TMEM132B: variants seen among roughly 807,000 people sequenced by gnomAD.
TMEM132B encodes the protein transmembrane protein 132B.
TMEM132B carries 18 observed loss-of-function variants against 90.8 expected under a neutral mutation model. That is an observed-to-expected ratio of 0.20 (90% CI 0.14 to 0.29). TMEM132B has a LOEUF of 0.29. Among genes scored for constraint, TMEM132B ranks in the 10% least tolerant of loss-of-function variants. The probability of loss-of-function intolerance (pLI) is 1.00; values close to 1 mark genes in which losing one functional copy is unlikely to be tolerated. For synonymous variants in TMEM132B, 504 were observed against 523.3 expected (o/e 0.96, Z 0.50); for missense variants, 1,096 against 1,326.8 (o/e 0.83, Z 2.70).
At chr12:125,583,461 C>T (rs561038554) in intron 4 of TMEM132B, among the ~76,000 whole-genome samples, 13 of 152,152 alleles carry the variant, frequency 8.5e-5, no homozygotes, top group African/African-American at 3.1e-4. Context: ...TGTTAATAAG[C>T]CCAGAATATA....
intron 4 of TMEM132B, among the ~76,000 whole-genome samples, chr12:125,563,626 G>A (rs1160185878): frequency 6.6e-6 from 1 of 151,318 alleles, no homozygotes; most frequent in Admixed American, 6.6e-5. Flanking sequence ...TATCTGTGAG[G>A]TGCAATAAGG....
At chr12:125,634,708 G>A (rs533063436) in intron 5 of TMEM132B, among the ~76,000 whole-genome samples, 20 of 152,326 alleles carry the variant, frequency 1.3e-4, no homozygotes, top group African/African-American at 4.6e-4. Flanking sequence ...GGTATGTCTA[G>A]TAATGTTATC....
At chr12:125,524,510 A>G (rs987482131) in intron 4 of TMEM132B, among the ~76,000 whole-genome samples, 2 of 152,230 alleles carry the variant, frequency 1.3e-5, no homozygotes, top group Non-Finnish European at 2.9e-5. Flanking sequence ...AAGTCACTCA[A>G]TCTTTCTGAA....
At chr12:125,363,443 G>A (rs1386277012) in intron 2 of TMEM132B, among the ~76,000 whole-genome samples, 1 of 152,140 alleles carries the variant, frequency 6.6e-6, no homozygotes, top group African/African-American at 2.4e-5. Flanking sequence ...TGAGAGTGAA[G>A]GTCTAGGGGC....
chr12:125,470,395 T>C (rs943351404), intron 3 of TMEM132B, among the ~76,000 whole-genome samples: 2 of 152,210 alleles, frequency 1.3e-5, no homozygotes, highest in African/African-American at 4.8e-5. Context: ...CAGCTCTGCA[T>C]TGCGGTTGGA....
In TMEM132B at chr12:125,661,261, C is replaced by T. The variant is rs1473873125; in HGVS notation, c.*6551C>T. On this transcript the variant is annotated 3_prime_UTR_variant, in exon 9 of 9. Transcript: ENST00000682704. The stretch of plus-strand genomic sequence containing the variant: ...GCGTGCCTTTTTCCTCCATCATAAC[C>T]GCTTTAGGATCTCTGTTTTATCCAT... 6 of 152,164 alleles carry T rather than the reference C, an allele frequency of 3.9e-5. No homozygotes were observed. The highest frequency in any genetic ancestry group is 7.2e-5 in the African/African-American group (3 of 41,418). 9.4% of individuals were successfully genotyped at this position (152,164 alleles called of 1,614,324 possible).
At chr12:125,309,644 C>T (rs552830363) in intron 1 of TMEM132B, among the ~76,000 whole-genome samples, 17 of 152,202 alleles carry the variant, frequency 1.1e-4, no homozygotes, top group East Asian at 5.8e-4. Flanking sequence ...GAAGAGCTAA[C>T]GGAGATGTGC....
chr12:125,415,619 A>G lies in TMEM132B; in HGVS notation c.1048A>G (p.Ser350Gly). Residue 350 changes from serine to glycine, a missense_variant, in exon 3 of 9, where the codon AGC becomes GGC. Transcript: ENST00000682704. This position sits in a 1 kb window ranked among gnomAD's most constrained non-coding sequence, Gnocchi z 5.3. ...AGTCCAGGAGGAAATTGATAATGGC[A>G]GCACTCAGACGTCGGCCACCCTCAC... is the stretch of plus-strand genomic sequence containing the variant. The part of the protein sequence containing the change: ...WAVQEEIDNG[S>G]TQTSATLTCM... 6.2e-7 allele frequency: 1 copy of G among 1,614,238 alleles called. No individual in the cohort carries two copies.
At chr12:125,620,845 G>A (rs927452526) in intron 5 of TMEM132B, among the ~76,000 whole-genome samples, 1 of 152,192 alleles carries the variant, frequency 6.6e-6, no homozygotes, top group Non-Finnish European at 1.5e-5. Context: ...CACAAGAATA[G>A]CAGCATGAGA....
chr12:125,335,927 C>G (rs185520757), intron 1 of TMEM132B, among the ~76,000 whole-genome samples: 112 of 152,258 alleles, frequency 7.4e-4, no homozygotes, highest in Non-Finnish European at 1.4e-3. Context: ...GGGGAGGTGG[C>G]AGTGAGCCAA....
At chr12:125,538,370 C>T (rs1046027604) in intron 4 of TMEM132B, among the ~76,000 whole-genome samples, 5 of 152,112 alleles carry the variant, frequency 3.3e-5, no homozygotes, top group African/African-American at 4.8e-5. Flanking sequence ...CTCTGTTGGG[C>T]GGCCATCACC....
chr12:125,270,948 G>GT (rs35421730), intron 1 of TMEM132B, among the ~76,000 whole-genome samples: 51,021 of 145,778 alleles, frequency 0.35, 8,923 homozygotes, highest in East Asian at 0.49. Flanking sequence ...AAACATAGTT[G>GT]TTTTTTTTTT....
chr12:125,267,519 T>C (rs1439982994), intron 1 of TMEM132B, among the ~76,000 whole-genome samples: 1 of 152,212 alleles, frequency 6.6e-6, no homozygotes, highest in Non-Finnish European at 1.5e-5. Flanking sequence ...GAATTAGCCA[T>C]TTTCTGTCAC....
chr12:125,365,183 T>C (rs902925600), intron 2 of TMEM132B, among the ~76,000 whole-genome samples: 3 of 151,992 alleles, frequency 2.0e-5, no homozygotes, highest in African/African-American at 7.2e-5. Context: ...AGTTTAACTT[T>C]TATATAGGCT....
chr12:125,454,733 C>A (rs138770293), intron 3 of TMEM132B, among the ~76,000 whole-genome samples: 24 of 152,346 alleles, frequency 1.6e-4, no homozygotes, highest in African/African-American at 5.3e-4. Context: ...TGCTTTGCAT[C>A]TGAGGACTTT....
chr12:125,240,657 T>C (rs983849610), intron 1 of TMEM132B, among the ~76,000 whole-genome samples: 3 of 152,176 alleles, frequency 2.0e-5, no homozygotes, highest in Non-Finnish European at 4.4e-5. Flanking sequence ...TCCTAGGGAA[T>C]GGAATGCAGA....
intron 5 of TMEM132B, chr12:125,584,883 G>C (rs1447770620): frequency 6.6e-6 from 1 of 152,196 alleles, no homozygotes; most frequent in Admixed American, 6.5e-5. Flanking sequence ...AAATTATTAA[G>C]AGAGCCCCAA....
At chr12:125,307,529 A>G (rs938276632) in intron 1 of TMEM132B, among the ~76,000 whole-genome samples, 2 of 152,110 alleles carry the variant, frequency 1.3e-5, no homozygotes, top group African/African-American at 4.8e-5. Flanking sequence ...AAGCACTTAG[A>G]ACAGTGCAAA....
intron 3 of TMEM132B, among the ~76,000 whole-genome samples, chr12:125,503,257 TG>T (rs1882744211): frequency 6.6e-6 from 1 of 152,160 alleles, no homozygotes. Flanking sequence ...CCTGGCACCC[TG>T]GGGGCCCTCT....
Sources: allele counts gnomAD v4.1 joint callset (sites outside exome capture counted in the v4.1 genomes callset), GRCh38; gene constraint gnomAD v4.1.1; non-coding constraint Gnocchi (gnomAD v3.1); transcripts MANE v1.5; gene names NCBI Gene and HGNC (gene_info 2026-07-23, HGNC 2026-07-21).